Variants in MEMO1 observed in about 807,000 individuals in gnomAD.
The protein encoded by MEMO1 is mediator of cell motility 1.
In MEMO1, 6 loss-of-function variants were observed where a neutral mutation model predicts 45.2. The observed-to-expected ratio is 0.13, with a 90% CI of 0.07 to 0.26. The LOEUF is 0.26. MEMO1 is among the 10% of genes least tolerant of loss of function. The pLI is 1.00. For missense variants in MEMO1, 184 were observed against 370.5 expected (o/e 0.50, Z 4.13); for synonymous variants, 78 against 124.3 (o/e 0.63, Z 2.48).
chr2:31,963,568 G>A (rs1279775610), intron 2 of MEMO1, among the ~76,000 whole-genome samples: 2 of 152,128 alleles, frequency 1.3e-5, no homozygotes, highest in African/African-American at 2.4e-5. Flanking sequence ...TTTGGCAGGT[G>A]ACGGGGGTGT....
At chr2:31,938,786 A>ATTTT (rs398042391) in intron 3 of MEMO1, among the ~76,000 whole-genome samples, 1 of 138,790 alleles carries the variant, frequency 7.2e-6, no homozygotes, top group Non-Finnish European at 1.6e-5. Flanking sequence ...ATAGAACAAT[A>ATTTT]TTTTTTTTTT....
intron 8 of MEMO1, among the ~76,000 whole-genome samples, chr2:31,881,073 A>C (rs1675288617): frequency 6.6e-6 from 1 of 151,910 alleles, no homozygotes; most frequent in South Asian, 2.1e-4. Flanking sequence ...AAATATTATG[A>C]CTACCATGGC....
chr2:31,891,873 A>C (rs1677036654), intron 7 of MEMO1, 119 bp downstream of exon 7: 2 of 1,042,256 alleles, frequency 1.9e-6, no homozygotes, highest in Non-Finnish European at 2.8e-6. Flanking sequence ...CACTGCTGCC[A>C]GAAGTAAAAC....
intron 2 of MEMO1, among the ~76,000 whole-genome samples, chr2:31,954,453 T>A (rs2148376826): frequency 6.6e-6 from 1 of 152,204 alleles, no homozygotes; most frequent in Non-Finnish European, 1.5e-5. Flanking sequence ...CTTGTAAAAA[T>A]TAATTTTTTT....
intron 6 of MEMO1, among the ~76,000 whole-genome samples, chr2:31,896,520 G>C (rs1247246031): frequency 6.6e-6 from 1 of 152,156 alleles, no homozygotes; most frequent in African/African-American, 2.4e-5. Flanking sequence ...ACAAAAGTAG[G>C]CTGTGGGCCA....
chr2:31,883,272 A>C, intron 8 of MEMO1, 114 bp downstream of exon 8: 1 of 747,190 alleles, frequency 1.3e-6, no homozygotes. Context: ...TGCATTTTGT[A>C]CATTTAAAGA....
At chr2:31,889,901 AT>A (rs1381104414) in intron 7 of MEMO1, among the ~76,000 whole-genome samples, 2 of 152,138 alleles carry the variant, frequency 1.3e-5, no homozygotes, top group African/African-American at 4.8e-5. Context: ...TATAACTATT[AT>A]TTATGAGTCT....
At chr2:31,902,946 T>C (rs1679081990) in intron 6 of MEMO1, among the ~76,000 whole-genome samples, 1 of 152,002 alleles carries the variant, frequency 6.6e-6, no homozygotes, top group Admixed American at 6.6e-5. Flanking sequence ...CATAAAAAGA[T>C]GAATTCTAAT....
intron 8 of MEMO1, among the ~76,000 whole-genome samples, chr2:31,875,196 T>C (rs961132144): frequency 6.6e-6 from 1 of 152,150 alleles, no homozygotes; most frequent in African/African-American, 2.4e-5. Flanking sequence ...AAATACTCAA[T>C]ATTTATTCAG....
intron 2 of MEMO1, among the ~76,000 whole-genome samples, chr2:31,971,092 G>A (rs1405255118): frequency 6.6e-6 from 1 of 152,082 alleles, no homozygotes; most frequent in East Asian, 1.9e-4. Context: ...ATATTTTGCT[G>A]TTGTTACATT....
intron 2 of MEMO1, among the ~76,000 whole-genome samples, chr2:31,986,951 CTAAAG>C (rs1671334696): frequency 6.6e-6 from 1 of 151,962 alleles, no homozygotes; most frequent in African/African-American, 2.4e-5. Flanking sequence ...TGCAAGGGCC[CTAAAG>C]TAAAGAGTGT....
rs188510343 is a variant in MEMO1 at position 31,939,308 on chromosome 2, C to T, written c.143+3994G>A. ...TATGTTTATTATAACATTTATTATA[C>T]GTTATATACAAAGTCAGCATGTCAC... On this transcript the variant is annotated intron_variant, in intron 3 of 9. Transcript: ENST00000404530. Among the ~76,000 whole-genome samples the T allele has an allele frequency of 3.1e-3, 474 of 152,050 alleles. 1 individual carries two copies. Among genetic ancestry groups the T allele is most frequent in the African/African-American group, 0.011 (450 of 41,482 alleles).
intron 8 of MEMO1, among the ~76,000 whole-genome samples, chr2:31,870,229 T>C (rs1324876288): frequency 1.3e-5 from 2 of 152,152 alleles, no homozygotes; most frequent in Non-Finnish European, 2.9e-5. Context: ...CCAGTTGTCA[T>C]TTAGCTCACA....
chr2:31,901,374 CAAAAAAAAAAA>C (rs70964738), intron 6 of MEMO1, among the ~76,000 whole-genome samples: 713 of 22,666 alleles, frequency 0.031, 6 homozygotes, highest in African/African-American at 0.078. Context: ...CTCTGTCTCA[CAAAAAAAAAAA>C]AAAAAAAAAA....
At chr2:31,983,338 T>A (rs1670884502) in intron 2 of MEMO1, among the ~76,000 whole-genome samples, 1 of 152,236 alleles carries the variant, frequency 6.6e-6, no homozygotes. Context: ...TATGCTACTA[T>A]AAATAAATAT....
intron 2 of MEMO1, among the ~76,000 whole-genome samples, chr2:31,998,892 C>T (rs1273859106): frequency 2.0e-5 from 3 of 152,088 alleles, no homozygotes; most frequent in Non-Finnish European, 2.9e-5. Context: ...CAGACTCATA[C>T]ATACACTTGA....
At chr2:31,975,715 CA>C (rs1369893273) in intron 2 of MEMO1, among the ~76,000 whole-genome samples, 1 of 152,142 alleles carries the variant, frequency 6.6e-6, no homozygotes. Context: ...TAACAAGTCA[CA>C]TTCCTAAAAA....
chr2:31,991,196 A>G (rs182003246), intron 2 of MEMO1, among the ~76,000 whole-genome samples: 1 of 152,352 alleles, frequency 6.6e-6, no homozygotes, highest in Admixed American at 6.5e-5. Context: ...AATTGATAAA[A>G]GCAACCACCT....
At chr2:31,912,910 G>A (rs1332823687) in intron 6 of MEMO1, among the ~76,000 whole-genome samples, 1 of 152,142 alleles carries the variant, frequency 6.6e-6, no homozygotes, top group East Asian at 1.9e-4. Flanking sequence ...CAATGAGATT[G>A]TAAGTCATTT....
Sources: gnomAD v4.1 joint callset for allele counts (sites outside exome capture counted in the v4.1 genomes callset) on GRCh38, gnomAD v4.1.1 for gene constraint, MANE v1.5 for transcripts, NCBI Gene and HGNC (gene_info 2026-07-23, HGNC 2026-07-21) for gene names.